FAM3C: variants seen among roughly 807,000 people sequenced by gnomAD.
FAM3C encodes FAM3 metabolism regulating signaling molecule C, also known as protein FAM3C.
In FAM3C, 15 loss-of-function variants were observed where a neutral mutation model predicts 32.5. That is an observed-to-expected ratio of 0.46 (90% CI 0.31 to 0.71). The LOEUF is 0.71. FAM3C is among the 30% of genes least tolerant of loss of function. The pLI is 0.05. For synonymous variants in FAM3C, 75 were observed against 86.1 expected, an observed-to-expected ratio of 0.87 and a Z score of 0.72; for missense variants, 175 against 274.4, an observed-to-expected ratio of 0.64 and a Z score of 2.56.
At chr7:121,350,787 A>C (rs1426195517) in intron 9 of FAM3C, among the ~76,000 whole-genome samples, 1 of 152,212 alleles carries the variant, frequency 6.6e-6, no homozygotes, top group Non-Finnish European at 1.5e-5. Flanking sequence ...TTGCTACTCA[A>C]AAACTAACAT....
chr7:121,362,844 A>G, intron 7 of FAM3C, 53 bp downstream of exon 7: 1 of 905,238 alleles, frequency 1.1e-6, no homozygotes, highest in Non-Finnish European at 1.8e-6. Context: ...CATTGTATTG[A>G]GGTGATTAAG....
rs1373869974 is a variant in FAM3C, at chr7:121,392,995, T to C, written c.-42+3167A>G. On this transcript the variant is annotated intron_variant, in intron 1 of 9. Transcript: ENST00000359943. ...ATTCAATTTTTAGGAAAATCCAGAA[T>C]AGATAAATTTATGGGGGCAGAAAGC... Among the ~76,000 whole-genome samples the C allele has an allele frequency of 2.6e-5, 4 of 152,106 alleles. No homozygotes were observed. The East Asian group carries it at 7.7e-4, about 29-fold the overall frequency.
chr7:121,377,513 A>G (rs190798201), intron 3 of FAM3C, among the ~76,000 whole-genome samples: 53 of 152,290 alleles, frequency 3.5e-4, no homozygotes, highest in Middle Eastern at 3.4e-3. Context: ...TTAATATTAT[A>G]AACAACAATT....
intron 1 of FAM3C, among the ~76,000 whole-genome samples, chr7:121,385,002 G>A (rs1467700300): frequency 6.6e-6 from 1 of 152,090 alleles, no homozygotes; most frequent in African/African-American, 2.4e-5. Flanking sequence ...TCTTGTATGG[G>A]TGAGGGAAGC....
intron 5 of FAM3C, among the ~76,000 whole-genome samples, chr7:121,365,394 G>A (rs759670871): frequency 3.9e-5 from 6 of 151,966 alleles, no homozygotes; most frequent in Non-Finnish European, 8.8e-5. Context: ...TACATTTTTG[G>A]TGCTATCCAC....
intron 1 of FAM3C, among the ~76,000 whole-genome samples, chr7:121,395,402 A>T (rs1324061011): frequency 3.3e-5 from 5 of 151,898 alleles, no homozygotes; most frequent in Admixed American, 2.0e-4. Context: ...CCAAAAAGAA[A>T]CAAAGGAAAA....
chr7:121,357,816 T>C (rs1018969387), intron 8 of FAM3C, among the ~76,000 whole-genome samples: 2 of 152,158 alleles, frequency 1.3e-5, no homozygotes, highest in African/African-American at 4.8e-5. Flanking sequence ...AGAGTAAACA[T>C]CATTCCTCCC....
chr7:121,370,076 T>A (rs965778415), intron 5 of FAM3C, among the ~76,000 whole-genome samples: 5 of 152,222 alleles, frequency 3.3e-5, no homozygotes, highest in African/African-American at 1.2e-4. Context: ...TTGGGGTCTA[T>A]TTAACCAAAC....
Position 121,366,788 on chromosome 7 carries a change from T to C in FAM3C, c.273-2600A>G, listed in dbSNP as rs1380117437. ...TATGCTTTACTACTTAACCATTGGCTCAGCTGCATCAAAGAGAAGGAAGTT... is the reference window on the plus strand; with the variant it reads ...TATGCTTTACTACTTAACCATTGGCCCAGCTGCATCAAAGAGAAGGAAGTT... On this transcript the variant is annotated intron_variant, in intron 5 of 9. Transcript: ENST00000359943. Among the ~76,000 whole-genome samples the C allele has an allele frequency of 2.0e-5, 3 of 152,182 alleles. No individual in the cohort carries two copies. The East Asian group carries it at 5.8e-4, about 29-fold the overall frequency.
At chr7:121,381,656 C>CACACACACACA (rs1794359269) in intron 2 of FAM3C, among the ~76,000 whole-genome samples, 2 of 142,240 alleles carry the variant, frequency 1.4e-5, no homozygotes, top group African/African-American at 2.6e-5. Context: ...CAAAGAACAT[C>CACACACACACA]CACACACACA....
At chr7:121,361,065 T>C (rs1793910440) in intron 7 of FAM3C, among the ~76,000 whole-genome samples, 2 of 152,192 alleles carry the variant, frequency 1.3e-5, no homozygotes, top group Non-Finnish European at 2.9e-5. Flanking sequence ...GCCAAACTAA[T>C]TGTAGCAAAT....
chr7:121,382,468 G>A (rs544690963), intron 2 of FAM3C, among the ~76,000 whole-genome samples: 12 of 150,878 alleles, frequency 8.0e-5, no homozygotes, highest in Non-Finnish European at 1.5e-4. Flanking sequence ...TTCTCAAGAC[G>A]CTAGAACATA....
At chr7:121,386,759 CT>C (rs1025958466) in intron 1 of FAM3C, among the ~76,000 whole-genome samples, 1 of 151,422 alleles carries the variant, frequency 6.6e-6, no homozygotes. Flanking sequence ...TACAGACCCC[CT>C]CAAGAACAGA....
At chr7:121,395,238 CATACATATATATGG>C in intron 1 of FAM3C, among the ~76,000 whole-genome samples, 1 of 47,748 alleles carries the variant, frequency 2.1e-5, no homozygotes, top group African/African-American at 1.8e-4. Context: ...TGGATACATA[CATACATATATATGG>C]ATACATACAT....
At chr7:121,369,805 T>C (rs983750794) in intron 5 of FAM3C, among the ~76,000 whole-genome samples, 1 of 152,162 alleles carries the variant, frequency 6.6e-6, no homozygotes, top group Non-Finnish European at 1.5e-5. Flanking sequence ...CAGAAGAGTA[T>C]ACTCTAAGGC....
intron 1 of FAM3C, among the ~76,000 whole-genome samples, chr7:121,385,375 G>C (rs758075294): frequency 1.3e-5 from 2 of 152,164 alleles, no homozygotes; most frequent in Non-Finnish European, 2.9e-5. Flanking sequence ...ACCAAATCCA[G>C]TTGCTAATAT....
intron 8 of FAM3C, among the ~76,000 whole-genome samples, chr7:121,355,610 A>T (rs1051266734): frequency 6.6e-6 from 1 of 152,232 alleles, no homozygotes; most frequent in African/African-American, 2.4e-5. Context: ...AGATCAGGGT[A>T]CTGCAATTAG....
chr7:121,396,241 G>A lies in FAM3C; in HGVS notation c.-121C>T, dbSNP rs1203701367. 1 of 152,206 alleles carries A rather than the reference G, an allele frequency of 6.6e-6. No individual in the cohort carries two copies. Among genetic ancestry groups the A allele is most frequent in the Admixed American group, 6.5e-5 (1 of 15,280 alleles). The allele number at this position is 152,206 out of a possible 1,614,324, so 9.4% of individuals were successfully genotyped here. On this transcript the variant is annotated 5_prime_UTR_variant, in exon 1 of 10. Coordinates refer to ENST00000359943, the MANE Select transcript of FAM3C (RefSeq NM_014888.3). ...TCAGTCCTGCCGGAGGCCGACGGGA[G>A]CCGCCGCCTCCAGCTCGCGCCTCCG...
intron 8 of FAM3C, among the ~76,000 whole-genome samples, chr7:121,356,378 C>G (rs1164212005): frequency 1.3e-5 from 2 of 151,988 alleles, no homozygotes; most frequent in African/African-American, 4.8e-5. Flanking sequence ...GTGTATTAAG[C>G]CGGAAAAAGA....
Sources: allele counts gnomAD v4.1 joint callset (sites outside exome capture counted in the v4.1 genomes callset), GRCh38; gene constraint gnomAD v4.1.1; transcripts MANE v1.5; gene names NCBI Gene and HGNC (gene_info 2026-07-23, HGNC 2026-07-21).